The following FANCM variants were observed in gnomAD, a reference collection of about 807,000 sequenced individuals.
The protein encoded by FANCM is Fanconi anemia group M protein.
A neutral mutation model predicts 199.5 loss-of-function variants in FANCM; 140 were observed. That is an observed-to-expected ratio of 0.70 (90% CI 0.61 to 0.81). FANCM has a LOEUF of 0.81. Ranked by LOEUF, FANCM falls within the 30% of genes least tolerant of loss-of-function variation. FANCM has a pLI of 0.00. For synonymous variants in FANCM, 840 were observed against 836.8 expected, an observed-to-expected ratio of 1.00 and a Z score of -0.07; for missense variants, 2,410 against 2,421.4, an observed-to-expected ratio of 1.00 and a Z score of 0.10.
chr14:45,151,528 G>GGT lies in FANCM; in HGVS notation c.1050+1_1050+2dup. 1.2e-6 allele frequency: 2 copies of GGT among 1,610,616 alleles called. No homozygotes were observed. Among genetic ancestry groups the GGT allele is most frequent in the Non-Finnish European group, 1.7e-6 (2 of 1,177,122 alleles). ...GGAAAAACCCATCTCCGAATATTGT[G>GGT]GTAGGTATTTTTAAATAAATTTTGA... On this transcript the variant is annotated frameshift_variant and splice_region_variant. Coordinates refer to ENST00000267430, the MANE Select transcript of FANCM (RefSeq NM_020937.4). LOFTEE classifies it high-confidence loss of function.
chr14:45,184,130 C>T (rs190457733), intron 17 of FANCM, among the ~76,000 whole-genome samples: 6 of 151,080 alleles, frequency 4.0e-5, no homozygotes, highest in East Asian at 2.0e-4. Context: ...TGAATGAATA[C>T]CAAAAAACTC....
intron 10 of FANCM, among the ~76,000 whole-genome samples, chr14:45,164,968 GAAAC>G (rs988938532): frequency 5.9e-5 from 9 of 152,038 alleles, no homozygotes; most frequent in African/African-American, 2.2e-4. Flanking sequence ...GACTAAATAA[GAAAC>G]AAAGAACATG....
At chr14:45,178,456 T>C (rs1254867844) in intron 14 of FANCM, among the ~76,000 whole-genome samples, 1 of 152,234 alleles carries the variant, frequency 6.6e-6, no homozygotes, top group Non-Finnish European at 1.5e-5. Flanking sequence ...ACACGTATCA[T>C]GGAATTATTT....
At position 45,176,143 on chromosome 14, in the gene FANCM, A is replaced by G; in HGVS notation, c.3389A>G (p.Gln1130Arg). Residue 1130 changes from glutamine to arginine, a missense_variant, in exon 14 of 23, where the codon CAA becomes CGA. Coordinates refer to ENST00000267430, the MANE Select transcript of FANCM (RefSeq NM_020937.4). ...GACCTCCCAGTATTGTCCACTGATC[A>G]AGATGAAAGTTTGCTGTTATTTGAA... The part of the protein sequence containing the change: ...NSDLPVLSTD[Q>R]DESLLLFEDV... 1 of 1,614,102 alleles carries G rather than the reference A, an allele frequency of 6.2e-7. No homozygotes were observed. The highest frequency in any genetic ancestry group is 8.5e-7 in the Non-Finnish European group (1 of 1,179,966).
chr14:45,141,753 C>T (rs1023560091), intron 3 of FANCM, among the ~76,000 whole-genome samples: 4 of 151,688 alleles, frequency 2.6e-5, no homozygotes, highest in Non-Finnish European at 5.9e-5. Flanking sequence ...CCACGCCTGG[C>T]TAATTTTTGT....
At chr14:45,159,886 C>T (rs987340276) in intron 9 of FANCM, among the ~76,000 whole-genome samples, 1 of 151,670 alleles carries the variant, frequency 6.6e-6, no homozygotes, top group Admixed American at 6.6e-5. Context: ...TATAAATTAA[C>T]TATGTAAGTC....
At chr14:45,165,222 T>C (rs1887882955) in intron 10 of FANCM, among the ~76,000 whole-genome samples, 1 of 152,200 alleles carries the variant, frequency 6.6e-6, no homozygotes, top group Admixed American at 6.5e-5. Context: ...GCCAAATATA[T>C]AGATTCACAT....
chr14:45,172,920 G>C (rs1461646201), intron 12 of FANCM, 135 bp from the exon 13 acceptor site: 2 of 655,220 alleles, frequency 3.1e-6, no homozygotes, highest in African/African-American at 3.7e-5. Context: ...TTTTTCTTCT[G>C]AGATTTTAGT....
At chr14:45,153,746 C>A (rs1254746847) in intron 5 of FANCM, among the ~76,000 whole-genome samples, 174 bp from the exon 6 acceptor site, 1 of 152,056 alleles carries the variant, frequency 6.6e-6, no homozygotes, top group East Asian at 1.9e-4. Context: ...TAGCAACATC[C>A]TATAAGATGA....
intron 16 of FANCM, among the ~76,000 whole-genome samples, chr14:45,182,597 A>C (rs1186265486): frequency 6.6e-6 from 1 of 152,212 alleles, no homozygotes; most frequent in Non-Finnish European, 1.5e-5. Flanking sequence ...CTCAAGTTTG[A>C]TAGATGGACA....
chr14:45,166,678 A>G lies in FANCM; in HGVS notation c.1789-272A>G, dbSNP rs1386172413. On this transcript the variant is annotated intron_variant, in intron 10 of 22. Transcript: ENST00000267430. ...GTAGTCCCAGCTACTCAGGAGGCTAAAGTGGGAGGATCGCTTGAGCCCAGG... is the reference window on the plus strand; with the variant it reads ...GTAGTCCCAGCTACTCAGGAGGCTAGAGTGGGAGGATCGCTTGAGCCCAGG... Among the ~76,000 whole-genome samples, 6 of 151,950 alleles carry G rather than the reference A, an allele frequency of 3.9e-5. No individual in the cohort carries two copies. The East Asian group carries it at 1.2e-3, about 30-fold the overall frequency.
chr14:45,136,440 G>A lies in FANCM; in HGVS notation c.409G>A (p.Val137Met). Residue 137 changes from valine to methionine, a missense_variant, in exon 1 of 23, where the codon GTG becomes ATG. Transcript: ENST00000267430. ...NFYRWFPSGK[V>M]VFMAPTKPLV... The stretch of plus-strand genomic sequence containing the variant: ...CTACCGCTGGTTCCCTTCAGGAAAG[G>A]TGGTCTTCATGGCCCCAACGAAACC... 1 of 1,614,210 alleles carries A rather than the reference G, an allele frequency of 6.2e-7. No homozygotes were observed. Among genetic ancestry groups the A allele is most frequent in the Non-Finnish European group, 8.5e-7 (1 of 1,180,046 alleles).
intron 2 of FANCM, among the ~76,000 whole-genome samples, chr14:45,138,639 T>G (rs1594753404): frequency 6.6e-6 from 1 of 152,132 alleles, no homozygotes; most frequent in East Asian, 1.9e-4. Context: ...ACTTAAAAAT[T>G]TTTTAAAATT....
At chr14:45,198,220 A>G (rs2139326430) in intron 21 of FANCM, among the ~76,000 whole-genome samples, 1 of 152,352 alleles carries the variant, frequency 6.6e-6, no homozygotes, top group East Asian at 1.9e-4. Context: ...AAGAAAGGGT[A>G]GGGAAGTAAT....
At chr14:45,199,775 T>G (rs1194844248) in intron 22 of FANCM, 95 bp from the exon 23 acceptor site, 4 of 1,105,546 alleles carry the variant, frequency 3.6e-6, no homozygotes, top group Non-Finnish European at 5.5e-6. Flanking sequence ...GATGATTTCC[T>G]TAAAGGCTAC....
At chr14:45,150,276 TTG>T (rs1886723234) in intron 4 of FANCM, among the ~76,000 whole-genome samples, 1 of 152,226 alleles carries the variant, frequency 6.6e-6, no homozygotes, top group African/African-American at 2.4e-5. Flanking sequence ...CTTTTTGTAA[TTG>T]TCTCTTTGAT....
intron 9 of FANCM, among the ~76,000 whole-genome samples, chr14:45,163,926 A>G (rs894345215): frequency 2.0e-5 from 3 of 152,076 alleles, no homozygotes; most frequent in African/African-American, 7.2e-5. Context: ...CCTATTCTAT[A>G]CTATCCTTGA....
chr14:45,161,908 TG>T (rs1191474384), intron 9 of FANCM, among the ~76,000 whole-genome samples: 1 of 151,912 alleles, frequency 6.6e-6, no homozygotes, highest in Admixed American at 6.6e-5. Flanking sequence ...TGGACTAGGG[TG>T]GTAACAAGGA....
chr14:45,176,916 C>T lies in FANCM; in HGVS notation c.4162C>T (p.Leu1388=), dbSNP rs769653358. The T allele has an allele frequency of 6.2e-7, 1 of 1,611,176 alleles. No homozygotes were observed. Among genetic ancestry groups the T allele is most frequent in the Non-Finnish European group, 8.5e-7 (1 of 1,177,822 alleles). ...NSTFDYSEFS[L]EKSKSSGPMY... Reference sequence around the variant, plus strand: ...AACTTTTGATTATTCAGAATTTTCTCTAGAAAAGTCTAAAAGCAGTGGTCC... The same window carrying T: ...AACTTTTGATTATTCAGAATTTTCTTTAGAAAAGTCTAAAAGCAGTGGTCC... The change falls in exon 14 of 23, where the codon CTA becomes TTA. Residue 1388 remains leucine (L), a synonymous_variant. Coordinates refer to ENST00000267430, the MANE Select transcript of FANCM (RefSeq NM_020937.4).
Sources: gnomAD v4.1 joint callset for allele counts (sites outside exome capture counted in the v4.1 genomes callset) on GRCh38, gnomAD v4.1.1 for gene constraint, MANE v1.5 for transcripts, NCBI Gene and HGNC (gene_info 2026-07-23, HGNC 2026-07-21) for gene names.